Variants in NRXN3 observed in about 807,000 individuals in gnomAD.
NRXN3 encodes the protein neurexin III.
In NRXN3, 32 loss-of-function variants were observed where a neutral mutation model predicts 137.6. That is an observed-to-expected ratio of 0.23 (90% CI 0.18 to 0.31). NRXN3 has a LOEUF of 0.31. Among genes scored for constraint, NRXN3 ranks in the 10% least tolerant of loss-of-function variants. The probability of loss-of-function intolerance (pLI) is 1.00; values close to 1 mark genes in which losing one functional copy is unlikely to be tolerated. For missense variants in NRXN3, 1,574 were observed against 2,062.5 expected, an observed-to-expected ratio of 0.76 and a Z score of 4.59; for synonymous variants, 798 against 784.5, an observed-to-expected ratio of 1.02 and a Z score of -0.29.
chr14:79,397,745 A>G (rs943705505), intron 15 of NRXN3, among the ~76,000 whole-genome samples: 14 of 151,846 alleles, frequency 9.2e-5, no homozygotes, highest in Non-Finnish European at 1.9e-4. Context: ...GGAAGAAAAT[A>G]CAAGGTAAGT....
intron 8 of NRXN3, among the ~76,000 whole-genome samples, chr14:78,731,918 C>G (rs1276927467): frequency 7.8e-5 from 2 of 25,758 alleles, no homozygotes; most frequent in East Asian, 5.0e-3. Context: ...CTATATTTGC[C>G]AGCTATTGCC....
At chr14:79,023,186 A>G (rs2099592565) in intron 15 of NRXN3, among the ~76,000 whole-genome samples, 2 of 151,268 alleles carry the variant, frequency 1.3e-5, no homozygotes, top group Non-Finnish European at 2.9e-5. Flanking sequence ...AGTTTGGGAA[A>G]TGTTGTCTTC....
At chr14:78,732,584 C>T (rs2098521443) in intron 8 of NRXN3, among the ~76,000 whole-genome samples, 1 of 152,140 alleles carries the variant, frequency 6.6e-6, no homozygotes, top group Non-Finnish European at 1.5e-5. Flanking sequence ...TGTATCTTCC[C>T]ATTGATACTT....
At chr14:78,762,823 CACTGGT>C (rs1156520796) in intron 8 of NRXN3, among the ~76,000 whole-genome samples, 7 of 152,212 alleles carry the variant, frequency 4.6e-5, no homozygotes, top group Admixed American at 6.5e-5. Flanking sequence ...CAGAGGCTTG[CACTGGT>C]ACTATGGTTG....
intron 19 of NRXN3, among the ~76,000 whole-genome samples, chr14:79,766,392 T>C (rs546365430): frequency 1.3e-5 from 2 of 152,342 alleles, no homozygotes; most frequent in South Asian, 4.1e-4. Flanking sequence ...CAGTGAGTTA[T>C]CTGACACCCC....
At chr14:79,259,581 CTATA>C (rs1376903142) in intron 15 of NRXN3, among the ~76,000 whole-genome samples, 2 of 145,844 alleles carry the variant, frequency 1.4e-5, no homozygotes, top group African/African-American at 5.0e-5. Context: ...CTATATATAG[CTATA>C]TATAGAGTTA....
At chr14:78,715,311 G>A (rs925825648) in intron 8 of NRXN3, among the ~76,000 whole-genome samples, 172 bp downstream of exon 8, 3 of 152,186 alleles carry the variant, frequency 2.0e-5, no homozygotes, top group African/African-American at 7.2e-5. Flanking sequence ...GCTTGGGTTT[G>A]TTTGGCTAAG....
chr14:78,784,785 G>T (rs571311801), intron 8 of NRXN3, among the ~76,000 whole-genome samples: 1 of 152,248 alleles, frequency 6.6e-6, no homozygotes, highest in African/African-American at 2.4e-5. Flanking sequence ...ACTTGGGAGA[G>T]GAGAGAACTG....
intron 15 of NRXN3, among the ~76,000 whole-genome samples, chr14:79,283,170 TTGA>T (rs2081572843): frequency 6.6e-6 from 1 of 152,214 alleles, no homozygotes; most frequent in Non-Finnish European, 1.5e-5. Context: ...ATGGTTGTTA[TTGA>T]TGATTTACTG....
intron 16 of NRXN3, among the ~76,000 whole-genome samples, chr14:79,497,573 C>T (rs1490832830): frequency 6.6e-6 from 1 of 152,110 alleles, no homozygotes; most frequent in African/African-American, 2.4e-5. Flanking sequence ...CTATTAATTT[C>T]TTTTTACTTG....
intron 1 of NRXN3, among the ~76,000 whole-genome samples, chr14:78,208,190 G>A (rs1005774113): frequency 6.6e-6 from 1 of 152,202 alleles, no homozygotes; most frequent in Non-Finnish European, 1.5e-5. Flanking sequence ...TTAGCACATA[G>A]TAAGTACTAC....
intron 15 of NRXN3, among the ~76,000 whole-genome samples, chr14:79,180,841 C>T (rs550167302): frequency 9.9e-5 from 15 of 152,056 alleles, no homozygotes; most frequent in African/African-American, 3.1e-4. Context: ...CTTTATGTGA[C>T]GTCATTACTA....
At chr14:79,723,432 G>T (rs2098855964) in intron 19 of NRXN3, among the ~76,000 whole-genome samples, 2 of 152,114 alleles carry the variant, frequency 1.3e-5, no homozygotes, top group East Asian at 3.9e-4. Flanking sequence ...TGCCCTAATT[G>T]TTGGGCGCAT....
intron 9 of NRXN3, among the ~76,000 whole-genome samples, chr14:78,809,573 G>A (rs781706813): frequency 1.3e-5 from 2 of 152,164 alleles, no homozygotes; most frequent in African/African-American, 2.4e-5. Flanking sequence ...TCTAAAATCT[G>A]GGATGGGTGT....
At chr14:78,180,746 T>A (rs1260895291) in intron 1 of NRXN3, among the ~76,000 whole-genome samples, 2 of 152,170 alleles carry the variant, frequency 1.3e-5, no homozygotes, top group African/African-American at 4.8e-5. Flanking sequence ...GCCCCATAAA[T>A]CCCAGGGTCT....
At chr14:78,847,621 T>C (rs1005189860) in intron 10 of NRXN3, among the ~76,000 whole-genome samples, 1 of 152,110 alleles carries the variant, frequency 6.6e-6, no homozygotes, top group Non-Finnish European at 1.5e-5. Flanking sequence ...AATGATGCTG[T>C]ACCTCATTTG....
At chr14:78,622,008 A>C (rs1480435453) in intron 4 of NRXN3, among the ~76,000 whole-genome samples, 5 of 152,278 alleles carry the variant, frequency 3.3e-5, no homozygotes, top group African/African-American at 1.2e-4. Context: ...TATGCTTACT[A>C]CCTGTTAGTG....
intron 10 of NRXN3, among the ~76,000 whole-genome samples, chr14:78,829,856 C>T (rs573264621): frequency 8.2e-4 from 125 of 152,252 alleles, no homozygotes; most frequent in African/African-American, 3.0e-3. Context: ...CTAACAGAAT[C>T]AAGTTCAGCT....
At chr14:79,281,871 C>G (rs2081332402) in intron 15 of NRXN3, 1 of 152,280 alleles carries the variant, frequency 6.6e-6, no homozygotes, top group South Asian at 2.1e-4. Context: ...CTGCTGCCTC[C>G]TAGCCCTGAG....
Sources: gnomAD v4.1 joint callset for allele counts (sites outside exome capture counted in the v4.1 genomes callset) on GRCh38, gnomAD v4.1.1 for gene constraint, MANE v1.5 for transcripts, NCBI Gene and HGNC (gene_info 2026-07-23, HGNC 2026-07-21) for gene names.